The following PTPRD variants were observed in gnomAD, a reference collection of about 807,000 sequenced individuals.
PTPRD encodes receptor-type tyrosine-protein phosphatase delta.
A neutral mutation model predicts 214.5 loss-of-function variants in PTPRD; 34 were observed. The observed-to-expected ratio is 0.16, with a 90% CI of 0.12 to 0.21. PTPRD has a LOEUF of 0.21. PTPRD is among the 10% of genes least tolerant of loss of function. The probability of loss-of-function intolerance (pLI) is 1.00; values close to 1 mark genes in which losing one functional copy is unlikely to be tolerated. For missense variants in PTPRD, 2,545 were observed against 2,398.7 expected (o/e 1.06, Z -1.27); for synonymous variants, 1,128 against 845.7 (o/e 1.33, Z -5.79).
At chr9:8,414,623 G>A (rs1229861424) in intron 35 of PTPRD, among the ~76,000 whole-genome samples, 1 of 151,850 alleles carries the variant, frequency 6.6e-6, no homozygotes, top group Non-Finnish European at 1.5e-5. Flanking sequence ...ACAATAGGCT[G>A]AGTTTGAGTT....
chr9:9,161,843 G>A (rs2099889810), intron 10 of PTPRD, among the ~76,000 whole-genome samples: 1 of 144,636 alleles, frequency 6.9e-6, no homozygotes, highest in Non-Finnish European at 1.5e-5. Flanking sequence ...TAACATTACT[G>A]CATAAGCTAC....
intron 14 of PTPRD, among the ~76,000 whole-genome samples, chr9:8,561,658 T>C (rs550174207): frequency 6.6e-6 from 1 of 152,022 alleles, no homozygotes; most frequent in East Asian, 1.9e-4. Context: ...CTGCAAATTG[T>C]CAGAAAATTC....
intron 6 of PTPRD, among the ~76,000 whole-genome samples, chr9:9,747,085 G>A (rs1039589721): frequency 3.3e-5 from 5 of 152,134 alleles, no homozygotes; most frequent in Non-Finnish European, 5.9e-5. Flanking sequence ...TCCACTGCTG[G>A]AGAGAAATGT....
intron 2 of PTPRD, among the ~76,000 whole-genome samples, chr9:10,350,281 A>C (rs184568108): frequency 6.6e-6 from 1 of 152,192 alleles, no homozygotes; most frequent in Admixed American, 6.5e-5. Context: ...CAAGGGAACT[A>C]TAAGAAGAAA....
intron 14 of PTPRD, among the ~76,000 whole-genome samples, chr9:8,598,712 A>T (rs898536126): frequency 3.9e-5 from 6 of 152,132 alleles, no homozygotes; most frequent in African/African-American, 1.4e-4. Context: ...CTTCATCATG[A>T]ATGGGAGAGG....
chr9:8,914,517 A>G (rs1417639951), intron 11 of PTPRD, among the ~76,000 whole-genome samples: 2 of 152,126 alleles, frequency 1.3e-5, no homozygotes, highest in Admixed American at 6.6e-5. Context: ...AGAAATATGT[A>G]GAGTGATAGG....
In PTPRD at chr9:9,987,368, T is replaced by C. The variant is rs143615220; in HGVS notation, c.-472+46350A>G. Among the ~76,000 whole-genome samples, 31 of 152,284 alleles carry C rather than the reference T, an allele frequency of 2.0e-4. 1 individual carries two copies. Among genetic ancestry groups the C allele is most frequent in the Admixed American group, 1.8e-3 (27 of 15,280 alleles). Reference sequence around the variant, plus strand: ...CAATTTACAGAAGAAAGAGGTTTAATGGACTTACAGTTCCACATGGCTGGG... The same window carrying C: ...CAATTTACAGAAGAAAGAGGTTTAACGGACTTACAGTTCCACATGGCTGGG... On this transcript the variant is annotated intron_variant, in intron 4 of 45. Transcript: ENST00000381196.
chr9:10,453,000 G>T (rs1266395613), intron 2 of PTPRD, among the ~76,000 whole-genome samples: 2 of 151,580 alleles, frequency 1.3e-5, no homozygotes, highest in African/African-American at 4.8e-5. Context: ...GTTGATTTTT[G>T]TGTGTGGTAT....
chr9:9,242,566 C>T (rs1031690325), intron 9 of PTPRD, among the ~76,000 whole-genome samples: 7 of 152,086 alleles, frequency 4.6e-5, no homozygotes, highest in African/African-American at 1.7e-4. Flanking sequence ...CTCTAAACTT[C>T]TCTTCTCGCT....
At chr9:10,503,193 C>CAAAAACAA (rs1555437002) in intron 2 of PTPRD, among the ~76,000 whole-genome samples, 1 of 69,070 alleles carries the variant, frequency 1.4e-5, no homozygotes, top group Non-Finnish European at 2.8e-5. Context: ...AGCTGCAATA[C>CAAAAACAA]AAAAAAAAAA....
chr9:8,535,066 T>G (rs1257408295), intron 14 of PTPRD, among the ~76,000 whole-genome samples: 1 of 151,906 alleles, frequency 6.6e-6, no homozygotes, highest in Admixed American at 6.6e-5. Flanking sequence ...ATAATTAGCT[T>G]CTTTGAAAGT....
intron 11 of PTPRD, among the ~76,000 whole-genome samples, chr9:8,811,767 T>G (rs1016147394): frequency 6.6e-6 from 1 of 152,222 alleles, no homozygotes; most frequent in Non-Finnish European, 1.5e-5. Context: ...TAATTCAATT[T>G]CATCTCTTGC....
intron 11 of PTPRD, among the ~76,000 whole-genome samples, chr9:8,763,867 CCT>C (rs1491293501): frequency 6.6e-6 from 1 of 152,074 alleles, no homozygotes; most frequent in East Asian, 1.9e-4. Flanking sequence ...AAATGTATTT[CCT>C]TTTTAAAAAT....
intron 8 of PTPRD, among the ~76,000 whole-genome samples, chr9:9,477,099 A>C (rs10217490): frequency 6.6e-6 from 1 of 152,002 alleles, no homozygotes; most frequent in Admixed American, 6.6e-5. Context: ...ACCTGCAGTC[A>C]TTAAGTGAGT....
intron 2 of PTPRD, among the ~76,000 whole-genome samples, chr9:10,588,956 G>A (rs2074677697): frequency 6.6e-6 from 1 of 151,842 alleles, no homozygotes; most frequent in Non-Finnish European, 1.5e-5. Context: ...CCTCATCTGG[G>A]GAAGATAACT....
At chr9:9,218,624 G>C (rs980854704) in intron 9 of PTPRD, among the ~76,000 whole-genome samples, 1 of 152,090 alleles carries the variant, frequency 6.6e-6, no homozygotes, top group Non-Finnish European at 1.5e-5. Context: ...GGACAGGTAA[G>C]ACTGGTGAGC....
intron 10 of PTPRD, among the ~76,000 whole-genome samples, chr9:9,086,516 C>T (rs1413497236): frequency 6.6e-6 from 1 of 152,094 alleles, no homozygotes; most frequent in Admixed American, 6.6e-5. Context: ...CCTTTATAAA[C>T]CATTATAAGC....
At chr9:10,160,719 T>C (rs1478367059) in intron 3 of PTPRD, among the ~76,000 whole-genome samples, 1 of 151,896 alleles carries the variant, frequency 6.6e-6, no homozygotes. Context: ...CTGGAAGCCC[T>C]AGCCACAGAA....
intron 7 of PTPRD, among the ~76,000 whole-genome samples, chr9:9,631,485 T>C (rs894601831): frequency 2.6e-5 from 4 of 152,214 alleles, no homozygotes; most frequent in Non-Finnish European, 5.9e-5. Flanking sequence ...CACTGAGTTT[T>C]TGAAGCAGCA....
Sources: gnomAD v4.1 joint callset for allele counts (sites outside exome capture counted in the v4.1 genomes callset) on GRCh38, gnomAD v4.1.1 for gene constraint, MANE v1.5 for transcripts, NCBI Gene and HGNC (gene_info 2026-07-23, HGNC 2026-07-21) for gene names.